SNX30: variants seen among roughly 807,000 people sequenced by gnomAD.
SNX30 encodes sorting nexin-30.
In SNX30, 24 loss-of-function variants were observed where a neutral mutation model predicts 46.4. That is an observed-to-expected ratio of 0.52 (90% CI 0.37 to 0.73). SNX30 has a LOEUF of 0.73. Among genes scored for constraint, SNX30 ranks in the 30% least tolerant of loss-of-function variants. The pLI is 0.00. For missense variants in SNX30, 533 were observed against 555.7 expected (o/e 0.96, Z 0.41); for synonymous variants, 189 against 211.5 (o/e 0.89, Z 0.92).
At chr9:112,843,047 G>C (rs1245273886) in intron 6 of SNX30, among the ~76,000 whole-genome samples, 1 of 152,172 alleles carries the variant, frequency 6.6e-6, no homozygotes. Flanking sequence ...GTAGTGATGG[G>C]TTGAAAGAGG....
At chr9:112,879,495 T>A (rs1268636109), downstream of SNX30, 3 of 425,656 alleles carry the variant, frequency 7.0e-6, no homozygotes, top group Non-Finnish European at 1.3e-5. Context: ...CTGTAACCCT[T>A]AAGGTCATGC....
intron 2 of SNX30, among the ~76,000 whole-genome samples, chr9:112,807,097 C>T (rs1361250040): frequency 8.6e-6 from 1 of 116,332 alleles, no homozygotes; most frequent in African/African-American, 3.5e-5. Context: ...CAGAGTCTCC[C>T]TCTGTCGCCC....
intron 4 of SNX30, among the ~76,000 whole-genome samples, chr9:112,834,882 A>ACC (rs370427731): frequency 0.096 from 10,150 of 105,220 alleles, 548 homozygotes; most frequent in Non-Finnish European, 0.14. Flanking sequence ...ACACACACAC[A>ACC]CCTACCTCAA....
intron 1 of SNX30, among the ~76,000 whole-genome samples, chr9:112,759,207 T>C (rs1204290567): frequency 6.6e-6 from 1 of 152,184 alleles, no homozygotes; most frequent in Non-Finnish European, 1.5e-5. Context: ...TACACTTTTC[T>C]GAAGAGAAGG....
chr9:112,753,430 C>CTGGA (rs1343425595), intron 1 of SNX30, among the ~76,000 whole-genome samples: 3 of 152,184 alleles, frequency 2.0e-5, no homozygotes, highest in Admixed American at 6.5e-5. Context: ...GTCACCCAGG[C>CTGGA]TGGAGCGCAG....
At chr9:112,792,293 A>G (rs1186309356) in intron 1 of SNX30, among the ~76,000 whole-genome samples, 1 of 152,210 alleles carries the variant, frequency 6.6e-6, no homozygotes, top group Non-Finnish European at 1.5e-5. Flanking sequence ...AATTTTTCCT[A>G]GAAAGCCAGC....
intron 7 of SNX30, among the ~76,000 whole-genome samples, chr9:112,852,840 C>T (rs1276841754): frequency 6.6e-6 from 1 of 152,164 alleles, no homozygotes; most frequent in Non-Finnish European, 1.5e-5. Flanking sequence ...GACATCAGAG[C>T]TGCTGGGGAT....
intron 1 of SNX30, among the ~76,000 whole-genome samples, chr9:112,787,356 C>T (rs1839946701): frequency 6.6e-6 from 1 of 152,080 alleles, no homozygotes; most frequent in Non-Finnish European, 1.5e-5. Context: ...TGTAGTCACA[C>T]GTTTCCTTCT....
intron 2 of SNX30, among the ~76,000 whole-genome samples, chr9:112,813,488 C>T (rs1485579205): frequency 2.5e-4 from 6 of 23,936 alleles, no homozygotes; most frequent in African/African-American, 3.4e-4. Context: ...TTTTTTTTTG[C>T]GAGACAGTCT....
chr9:112,788,737 G>A (rs1839970542), intron 1 of SNX30, among the ~76,000 whole-genome samples: 1 of 152,212 alleles, frequency 6.6e-6, no homozygotes, highest in Admixed American at 6.5e-5. Context: ...TAAGTTTTCA[G>A]TTGGCAAGAT....
Position 112,871,217 on chromosome 9 carries a change from T to C in SNX30, c.*2374T>C, listed in dbSNP as rs1416954058. 1 of 152,132 alleles carries C rather than the reference T, an allele frequency of 6.6e-6. No homozygotes were observed. Among genetic ancestry groups the C allele is most frequent in the East Asian group, 1.9e-4 (1 of 5,170 alleles). The allele number at this position is 152,132 out of a possible 1,614,324, so 9.4% of individuals were successfully genotyped here. A position where few individuals can be genotyped will look rare whatever the true frequency, so the allele number is the denominator to read the frequency against. The stretch of plus-strand genomic sequence containing the variant: ...TTATGTCCTCCTGGCATGTTATTGA[T>C]AACAGAGCCAGGAAGTCCAGTGTAC... On this transcript the variant is annotated 3_prime_UTR_variant, in exon 9 of 9. Coordinates refer to ENST00000374232, the MANE Select transcript of SNX30 (RefSeq NM_001012994.2).
chr9:112,791,569 G>A (rs924129299), intron 1 of SNX30, among the ~76,000 whole-genome samples: 11 of 151,824 alleles, frequency 7.2e-5, no homozygotes, highest in African/African-American at 2.4e-4. Flanking sequence ...GTGCCACCAC[G>A]CCCAGCTAAT....
At chr9:112,852,423 A>C (rs1432252770) in intron 7 of SNX30, among the ~76,000 whole-genome samples, 1 of 152,196 alleles carries the variant, frequency 6.6e-6, no homozygotes, top group Non-Finnish European at 1.5e-5. Flanking sequence ...TAAACACTAC[A>C]TGATTTTATG....
intron 7 of SNX30, among the ~76,000 whole-genome samples, chr9:112,854,285 C>T (rs1295082974): frequency 2.6e-5 from 4 of 152,234 alleles, no homozygotes; most frequent in Admixed American, 1.3e-4. Flanking sequence ...CAGCTGCCTG[C>T]CAGGGCTCCT....
chr9:112,751,940 C>A (rs1839285095), intron 1 of SNX30, among the ~76,000 whole-genome samples: 1 of 152,106 alleles, frequency 6.6e-6, no homozygotes, highest in African/African-American at 2.4e-5. Context: ...TCCTCCCTAC[C>A]CCCATGGCCA....
chr9:112,868,969 T>A lies in SNX30; in HGVS notation c.*126T>A. 2 of 932,688 alleles carry A rather than the reference T, an allele frequency of 2.1e-6. No individual in the cohort carries two copies. Among genetic ancestry groups the A allele is most frequent in the Non-Finnish European group, 3.4e-6 (2 of 581,898 alleles). The allele number at this position is 932,688 out of a possible 1,614,324, so 57.8% of individuals were successfully genotyped here. On this transcript the variant is annotated 3_prime_UTR_variant, in exon 9 of 9. Coordinates refer to ENST00000374232, the MANE Select transcript of SNX30 (RefSeq NM_001012994.2). ...CACAGAAACATCTCTCCTTTGTGTATTTTTCCCTCCCCCACCTTTCACCCC... is the reference window on the plus strand; with the variant it reads ...CACAGAAACATCTCTCCTTTGTGTAATTTTCCCTCCCCCACCTTTCACCCC...
At chr9:112,857,643 A>G (rs1841155781) in intron 7 of SNX30, among the ~76,000 whole-genome samples, 1 of 152,146 alleles carries the variant, frequency 6.6e-6, no homozygotes, top group African/African-American at 2.4e-5. Flanking sequence ...ACCTACTATC[A>G]TCATGAGAGC....
rs144914191 is a variant in SNX30 at position 112,821,161 on chromosome 9, C to T, written c.459+3346C>T. 2.3e-3 allele frequency among the ~76,000 whole-genome samples: 354 copies of T among 152,296 alleles called. 2 individuals carry two copies. The highest frequency in any genetic ancestry group is 8.1e-3 in the African/African-American group (338 of 41,560). On this transcript the variant is annotated intron_variant, in intron 3 of 8. Coordinates refer to ENST00000374232, the MANE Select transcript of SNX30 (RefSeq NM_001012994.2). ...TTCCACACGCGATGTATAGGAGTTT[C>T]TCCACATCTCCATCAATGCTGTTAC...
chr9:112,817,831 C>T lies in SNX30; in HGVS notation c.459+16C>T. The T allele has an allele frequency of 6.5e-7, 1 of 1,531,160 alleles. No homozygotes were observed. The highest frequency in any genetic ancestry group is 9.1e-7 in the Non-Finnish European group (1 of 1,104,376). The allele number at this position is 1,531,160 out of a possible 1,614,324, so 94.8% of individuals were successfully genotyped here. On this transcript the variant is annotated intron_variant, in intron 3 of 8. Transcript: ENST00000374232. ...TCTCATTCCCGTAGGTAGTAAGTCA[C>T]TACAGCTTGTTTCTCACTTGTCCTG...
Sources: gnomAD v4.1 joint callset for allele counts (sites outside exome capture counted in the v4.1 genomes callset) on GRCh38, gnomAD v4.1.1 for gene constraint, MANE v1.5 for transcripts, NCBI Gene and HGNC (gene_info 2026-07-23, HGNC 2026-07-21) for gene names.